GPHN: variants seen among roughly 807,000 people sequenced by gnomAD.
GPHN encodes gephyrin.
In GPHN, 17 loss-of-function variants were observed where a neutral mutation model predicts 95.5. The observed-to-expected ratio is 0.18, with a 90% CI of 0.12 to 0.27. The LOEUF (loss-of-function observed/expected upper bound fraction) is 0.27, where lower values mean the gene tolerates loss of function less well. Among genes scored for constraint, GPHN ranks in the 10% least tolerant of loss-of-function variants. The pLI is 1.00. For missense variants in GPHN, 660 were observed against 978.1 expected (o/e 0.67, Z 4.34); for synonymous variants, 320 against 322.5 (o/e 0.99, Z 0.08).
intron 9 of GPHN, among the ~76,000 whole-genome samples, chr14:66,982,988 C>T (rs944401584): frequency 2.6e-5 from 4 of 152,052 alleles, no homozygotes; most frequent in South Asian, 4.1e-4. Context: ...CGGTGGCTCA[C>T]GCCTGTAATC....
At chr14:66,789,629 T>TGGG (rs2059903867) in intron 3 of GPHN, among the ~76,000 whole-genome samples, 1 of 152,186 alleles carries the variant, frequency 6.6e-6, no homozygotes, top group African/African-American at 2.4e-5. Flanking sequence ...GTCTCATTTT[T>TGGG]ATACTGAATC....
At chr14:67,590,179 T>G in the GPHN span, 2 of 1,548,562 alleles carry the variant, frequency 1.3e-6, no homozygotes, top group Non-Finnish European at 1.7e-6. Context: ...CACTCTGAAT[T>G]CCAAAGGGGA....
At chr14:67,676,140 C>T in the GPHN span, among the ~76,000 whole-genome samples, 107 of 152,270 alleles carry the variant, frequency 7.0e-4, no homozygotes, top group African/African-American at 2.5e-3. Flanking sequence ...TCACGGTTTG[C>T]TCAAGGTGTC....
chr14:67,690,126 T>C, the GPHN span: 1 of 1,204,306 alleles, frequency 8.3e-7, no homozygotes, highest in Non-Finnish European at 1.2e-6. Flanking sequence ...CTCCAGGTGA[T>C]GGGCTCTGGA....
intron 11 of GPHN, among the ~76,000 whole-genome samples, chr14:67,064,618 A>G (rs1472786867): frequency 1.3e-5 from 2 of 152,124 alleles, no homozygotes; most frequent in Non-Finnish European, 2.9e-5. Context: ...AGAGCCCATT[A>G]TTGGTCTATT....
At chr14:67,356,174 C>A in the GPHN span, among the ~76,000 whole-genome samples, 2 of 152,132 alleles carry the variant, frequency 1.3e-5, no homozygotes, top group Non-Finnish European at 2.9e-5. Flanking sequence ...AATACCAACA[C>A]TTTGGGAGGC....
chr14:66,802,851 T>C (rs117494703), intron 3 of GPHN, among the ~76,000 whole-genome samples: 1 of 152,054 alleles, frequency 6.6e-6, no homozygotes, highest in East Asian at 1.9e-4. Flanking sequence ...GTCCTCACAC[T>C]TTGTCTCCTC....
chr14:66,778,212 C>T (rs1164625600), intron 3 of GPHN, among the ~76,000 whole-genome samples: 1 of 152,276 alleles, frequency 6.6e-6, no homozygotes, highest in African/African-American at 2.4e-5. Context: ...CATGAGTGAA[C>T]TCCCATTCAC....
intron 2 of GPHN, among the ~76,000 whole-genome samples, chr14:66,685,453 T>G (rs2067284251): frequency 6.6e-6 from 1 of 152,224 alleles, no homozygotes; most frequent in Non-Finnish European, 1.5e-5. Context: ...CTAACTGGTG[T>G]GAGATGGTAT....
intron 8 of GPHN, among the ~76,000 whole-genome samples, chr14:66,933,491 C>G (rs1237216420): frequency 6.6e-6 from 1 of 152,126 alleles, no homozygotes; most frequent in Non-Finnish European, 1.5e-5. Flanking sequence ...AGAAAAATTA[C>G]AATTTCCCTC....
chr14:67,521,364 G>A, the GPHN span, among the ~76,000 whole-genome samples: 1 of 152,182 alleles, frequency 6.6e-6, no homozygotes, highest in Non-Finnish European at 1.5e-5. Flanking sequence ...TGTCACAGAG[G>A]GATGGAAAGG....
At chr14:66,730,568 A>T (rs1479603975) in intron 2 of GPHN, among the ~76,000 whole-genome samples, 1 of 152,216 alleles carries the variant, frequency 6.6e-6, no homozygotes, top group Non-Finnish European at 1.5e-5. Context: ...TTTGTAAAAC[A>T]TAAAGCTTAA....
intron 8 of GPHN, among the ~76,000 whole-genome samples, chr14:66,954,804 C>T (rs1383994736): frequency 1.3e-5 from 2 of 152,104 alleles, no homozygotes; most frequent in African/African-American, 2.4e-5. Context: ...TCCTAGTTTT[C>T]CAAGTGTTTT....
At chr14:67,470,078 A>G in the GPHN span, among the ~76,000 whole-genome samples, 1 of 152,172 alleles carries the variant, frequency 6.6e-6, no homozygotes, top group Non-Finnish European at 1.5e-5. Flanking sequence ...TCAGGTTACC[A>G]GAGAGTGTCA....
the GPHN span, chr14:67,292,479 T>C: frequency 2.1e-6 from 3 of 1,436,214 alleles, no homozygotes; most frequent in Non-Finnish European, 2.9e-6. Flanking sequence ...CTGAAACAGT[T>C]AATTTTTGGA....
At chr14:66,529,170 AT>A (rs890327052) in intron 1 of GPHN, among the ~76,000 whole-genome samples, 12 of 145,706 alleles carry the variant, frequency 8.2e-5, no homozygotes, top group Admixed American at 6.8e-4. Flanking sequence ...GTTCCTTTTC[AT>A]TTTTTTTTCT....
At chr14:67,275,755 C>G in the GPHN span, among the ~76,000 whole-genome samples, 3 of 152,154 alleles carry the variant, frequency 2.0e-5, no homozygotes, top group South Asian at 4.1e-4. Context: ...TGGTCCTGGA[C>G]TTTTTTTGGT....
rs533035544 is a variant in GPHN at position 66,518,424 on chromosome 14, T to C, written c.64+9833T>C. Among the ~76,000 whole-genome samples the C allele has an allele frequency of 3.3e-4, 50 of 152,174 alleles. 1 individual carries two copies. The highest frequency in any genetic ancestry group is 1.2e-3 in the African/African-American group (50 of 41,550). ...CAAGTACAGCCACTATGGAGAACAG[T>C]ATAGAGGTTCTTTAAAGGACTACAG... On this transcript the variant is annotated intron_variant, in intron 1 of 22. Transcript: ENST00000478722.
chr14:67,500,960 C>A, the GPHN span, among the ~76,000 whole-genome samples: 4 of 151,436 alleles, frequency 2.6e-5, no homozygotes, highest in East Asian at 7.8e-4. Flanking sequence ...GCATCATCTT[C>A]CAGATGAAAG....
Sources: gnomAD v4.1 joint callset for allele counts (sites outside exome capture counted in the v4.1 genomes callset) on GRCh38, gnomAD v4.1.1 for gene constraint, MANE v1.5 for transcripts, NCBI Gene and HGNC (gene_info 2026-07-23, HGNC 2026-07-21) for gene names.